Variants in LRRC4C observed in about 807,000 individuals in gnomAD.
LRRC4C encodes leucine-rich repeat-containing protein 4C.
A neutral mutation model predicts 33.6 loss-of-function variants in LRRC4C; 5 were observed. The observed-to-expected ratio is 0.15, with a 90% CI of 0.08 to 0.31. The LOEUF is 0.31. LRRC4C is among the 10% of genes least tolerant of loss of function. LRRC4C has a pLI of 1.00. For missense variants in LRRC4C, 560 were observed against 796.7 expected, an observed-to-expected ratio of 0.70 and a Z score of 3.58; for synonymous variants, 329 against 302.0, an observed-to-expected ratio of 1.09 and a Z score of -0.93.
chr11:40,955,995 T>C (rs1958937949), intron 1 of LRRC4C, among the ~76,000 whole-genome samples: 1 of 151,840 alleles, frequency 6.6e-6, no homozygotes, highest in Non-Finnish European at 1.5e-5. Flanking sequence ...TTCAAGGTCA[T>C]ATTGACAGAG....
At chr11:40,771,560 T>C (rs1419077686) in intron 2 of LRRC4C, among the ~76,000 whole-genome samples, 1 of 152,070 alleles carries the variant, frequency 6.6e-6, no homozygotes, top group East Asian at 1.9e-4. Context: ...AGAAAATGGG[T>C]TTTTGTTGTT....
chr11:40,286,844 A>C (rs1031704282), intron 4 of LRRC4C, among the ~76,000 whole-genome samples: 1 of 152,164 alleles, frequency 6.6e-6, no homozygotes, highest in Non-Finnish European at 1.5e-5. Context: ...AGGTTTGTCT[A>C]TTCCAAATCT....
intron 3 of LRRC4C, among the ~76,000 whole-genome samples, chr11:40,469,779 G>T (rs998760885): frequency 6.6e-6 from 1 of 152,152 alleles, no homozygotes; most frequent in Non-Finnish European, 1.5e-5. Flanking sequence ...GTTTGAACTG[G>T]GTGGAGCCCA....
intron 3 of LRRC4C, among the ~76,000 whole-genome samples, chr11:40,414,550 G>T (rs887617811): frequency 2.6e-5 from 4 of 151,964 alleles, no homozygotes; most frequent in Non-Finnish European, 5.9e-5. Flanking sequence ...CAGTGTTGTG[G>T]AATTAAAAAT....
intron 3 of LRRC4C, among the ~76,000 whole-genome samples, chr11:40,597,834 G>T (rs909660813): frequency 6.6e-6 from 1 of 152,146 alleles, no homozygotes; most frequent in South Asian, 2.1e-4. Context: ...AAAGGGATTT[G>T]CAGTCAATGA....
chr11:41,447,485 C>G (rs1955860735), intron 1 of LRRC4C, among the ~76,000 whole-genome samples: 1 of 152,094 alleles, frequency 6.6e-6, no homozygotes, highest in Admixed American at 6.5e-5. Flanking sequence ...AATTTAGAAT[C>G]CCATGGAAGT....
At chr11:40,183,693 G>A (rs1861191892) in intron 5 of LRRC4C, among the ~76,000 whole-genome samples, 1 of 152,166 alleles carries the variant, frequency 6.6e-6, no homozygotes, top group Non-Finnish European at 1.5e-5. Flanking sequence ...CTAACAAGAG[G>A]AAAAAGAAAC....
intron 5 of LRRC4C, among the ~76,000 whole-genome samples, chr11:40,224,419 C>T (rs1005332965): frequency 3.9e-5 from 6 of 152,106 alleles, no homozygotes; most frequent in Admixed American, 6.5e-5. Context: ...CAGTGTTCTC[C>T]GATTTACACC....
intron 1 of LRRC4C, among the ~76,000 whole-genome samples, chr11:41,128,089 T>C (rs1220617969): frequency 6.6e-6 from 1 of 152,038 alleles, no homozygotes; most frequent in Non-Finnish European, 1.5e-5. Context: ...TTTATTATGA[T>C]AGCTAAAAGG....
At chr11:40,698,521 C>T (rs373351644) in intron 2 of LRRC4C, among the ~76,000 whole-genome samples, 1 of 151,556 alleles carries the variant, frequency 6.6e-6, no homozygotes, top group Non-Finnish European at 1.5e-5. Flanking sequence ...CCTTCCTCTG[C>T]TTTATCTTCA....
At chr11:41,155,580 AT>A (rs937557215) in intron 1 of LRRC4C, among the ~76,000 whole-genome samples, 31 of 152,062 alleles carry the variant, frequency 2.0e-4, no homozygotes, top group African/African-American at 7.5e-4. Context: ...CCGTTGAGAG[AT>A]TTTGGATTAG....
At chr11:40,653,753 T>C (rs1395659835) in intron 2 of LRRC4C, among the ~76,000 whole-genome samples, 2 of 152,114 alleles carry the variant, frequency 1.3e-5, no homozygotes, top group African/African-American at 2.4e-5. Context: ...AGGAGCCAAA[T>C]ACTAATCACC....
chr11:40,562,553 C>T (rs2135514564), intron 3 of LRRC4C, among the ~76,000 whole-genome samples: 1 of 152,298 alleles, frequency 6.6e-6, no homozygotes, highest in East Asian at 1.9e-4. Context: ...TATCATGACA[C>T]TTGCACGAAT....
At chr11:40,780,339 A>G (rs1162475988) in intron 2 of LRRC4C, among the ~76,000 whole-genome samples, 1 of 152,164 alleles carries the variant, frequency 6.6e-6, no homozygotes, top group Non-Finnish European at 1.5e-5. Context: ...CAGGAATAAA[A>G]AGAAAATTTC....
chr11:40,142,299 A>G (rs1056648529), intron 5 of LRRC4C, among the ~76,000 whole-genome samples: 2 of 151,346 alleles, frequency 1.3e-5, no homozygotes, highest in East Asian at 3.9e-4. Flanking sequence ...AAAAAAAAAA[A>G]AAAAACCTCG....
chr11:40,167,769 A>C (rs1279835512), intron 5 of LRRC4C, among the ~76,000 whole-genome samples: 1 of 152,128 alleles, frequency 6.6e-6, no homozygotes, highest in African/African-American at 2.4e-5. Flanking sequence ...ACTCACCCTT[A>C]TAAGGGAATA....
At chr11:40,719,339 G>A (rs1217596014) in intron 2 of LRRC4C, among the ~76,000 whole-genome samples, 1 of 152,170 alleles carries the variant, frequency 6.6e-6, no homozygotes, top group Non-Finnish European at 1.5e-5. Flanking sequence ...AATGACAAAA[G>A]TCAATTGTTC....
At chr11:40,959,546 A>T (rs992507928) in intron 1 of LRRC4C, among the ~76,000 whole-genome samples, 5 of 151,756 alleles carry the variant, frequency 3.3e-5, no homozygotes, top group African/African-American at 1.2e-4. Context: ...TTTTGCATTA[A>T]GTTTGTGGTT....
chr11:40,313,727 T>G (rs1462685643), intron 4 of LRRC4C, among the ~76,000 whole-genome samples: 1 of 150,300 alleles, frequency 6.7e-6, no homozygotes, highest in Non-Finnish European at 1.5e-5. Context: ...CTTGCCTCAG[T>G]CTCCCAAGTA....
Sources: allele counts gnomAD v4.1 joint callset (sites outside exome capture counted in the v4.1 genomes callset), GRCh38; gene constraint gnomAD v4.1.1; transcripts MANE v1.5; gene names NCBI Gene and HGNC (gene_info 2026-07-23, HGNC 2026-07-21).